KIAA0825: variants seen among roughly 807,000 people sequenced by gnomAD.
KIAA0825 encodes the protein uncharacterized protein KIAA0825.
A neutral mutation model predicts 147.6 loss-of-function variants in KIAA0825; 119 were observed. That is an observed-to-expected ratio of 0.81 (90% CI 0.69 to 0.94). KIAA0825 has a LOEUF of 0.94. Among genes scored for constraint, KIAA0825 ranks in the 40% least tolerant of loss-of-function variants. The probability of loss-of-function intolerance (pLI) is 0.00; values close to 1 mark genes in which losing one functional copy is unlikely to be tolerated. For missense variants in KIAA0825, 1,381 were observed against 1,472.7 expected, an observed-to-expected ratio of 0.94 and a Z score of 1.02; for synonymous variants, 470 against 518.1, an observed-to-expected ratio of 0.91 and a Z score of 1.26.
chr5:94,318,677 G>C (rs893273430), intron 20 of KIAA0825, among the ~76,000 whole-genome samples: 11 of 151,880 alleles, frequency 7.2e-5, no homozygotes, highest in African/African-American at 2.7e-4. Flanking sequence ...AGACTCAACA[G>C]ATCAGGAAGA....
intron 20 of KIAA0825, among the ~76,000 whole-genome samples, chr5:94,240,569 CT>C (rs1158563276): frequency 6.6e-6 from 1 of 152,192 alleles, no homozygotes. Flanking sequence ...GCATCCAACT[CT>C]TCTGTTTGTG....
intron 20 of KIAA0825, among the ~76,000 whole-genome samples, chr5:94,349,704 AAG>A (rs1230456663): frequency 6.6e-6 from 1 of 152,212 alleles, no homozygotes; most frequent in Non-Finnish European, 1.5e-5. Context: ...AAACAAAATC[AAG>A]ATGGAAATTT....
At chr5:94,343,582 G>A (rs1396499317) in intron 20 of KIAA0825, among the ~76,000 whole-genome samples, 2 of 152,078 alleles carry the variant, frequency 1.3e-5, no homozygotes, top group Non-Finnish European at 2.9e-5. Context: ...CCAGCTACTG[G>A]GGAGGCTGAG....
intron 20 of KIAA0825, among the ~76,000 whole-genome samples, chr5:94,160,721 A>G (rs914945004): frequency 6.6e-6 from 1 of 150,950 alleles, no homozygotes; most frequent in Non-Finnish European, 1.5e-5. Context: ...ATGTCTGTAT[A>G]TTTAAATTAT....
rs542870102 is a variant in KIAA0825, at chr5:94,269,865, C to G, written c.3710+114503G>C. On this transcript the variant is annotated intron_variant, in intron 20 of 20. Coordinates refer to ENST00000682413, the MANE Select transcript of KIAA0825 (RefSeq NM_001145678.3). The stretch of plus-strand genomic sequence containing the variant: ...AATACAAAAGATCAACAAAAACTTG[C>G]TTTTTAAAAAAGTTAAACAAAATAC... 1.5e-4 allele frequency among the ~76,000 whole-genome samples: 23 copies of G among 151,926 alleles called. No individual in the cohort carries two copies. The East Asian group carries it at 4.3e-3, about 28-fold the overall frequency.
At chr5:94,165,331 G>C (rs1045712807) in intron 20 of KIAA0825, among the ~76,000 whole-genome samples, 1 of 152,140 alleles carries the variant, frequency 6.6e-6, no homozygotes, top group African/African-American at 2.4e-5. Context: ...CAGTTAAAAT[G>C]GCTTATATCC....
chr5:94,615,263 G>A (rs1478853671), intron 1 of KIAA0825, among the ~76,000 whole-genome samples: 1 of 152,136 alleles, frequency 6.6e-6, no homozygotes, highest in Non-Finnish European at 1.5e-5. Context: ...TAAAGTCAGA[G>A]GATTTTTGAG....
At chr5:94,477,298 G>A (rs1356842412) in intron 6 of KIAA0825, 93 bp from the exon 7 acceptor site, 42 of 811,344 alleles carry the variant, frequency 5.2e-5, no homozygotes, top group South Asian at 2.2e-4. Flanking sequence ...TATTAACTAC[G>A]TAGAAAAGTT....
At chr5:94,588,370 G>C (rs972067591) in intron 1 of KIAA0825, among the ~76,000 whole-genome samples, 1 of 152,112 alleles carries the variant, frequency 6.6e-6, no homozygotes, top group Non-Finnish European at 1.5e-5. Flanking sequence ...ATCAAAAAGT[G>C]GGCAAAGGAT....
intron 20 of KIAA0825, among the ~76,000 whole-genome samples, chr5:94,296,500 A>G (rs1778144769): frequency 6.6e-6 from 1 of 152,108 alleles, no homozygotes; most frequent in Non-Finnish European, 1.5e-5. Context: ...GTGGCCACTC[A>G]GTTTTGTGCT....
chr5:94,393,351 T>A (rs183925967), intron 17 of KIAA0825, among the ~76,000 whole-genome samples: 92 of 152,342 alleles, frequency 6.0e-4, no homozygotes, highest in African/African-American at 2.1e-3. Context: ...ACTTCTTTAC[T>A]TTTTGGGCTG....
chr5:94,609,431 A>G (rs190190272), intron 1 of KIAA0825, among the ~76,000 whole-genome samples: 151 of 152,266 alleles, frequency 9.9e-4, no homozygotes, highest in Non-Finnish European at 9.8e-4. Context: ...TTTCATTTTA[A>G]TTTATAATAC....
intron 1 of KIAA0825, among the ~76,000 whole-genome samples, chr5:94,606,419 T>C (rs1212885964): frequency 1.3e-5 from 2 of 152,130 alleles, no homozygotes; most frequent in Non-Finnish European, 1.5e-5. Context: ...AAAACTTATA[T>C]GGAACTAAAA....
intron 15 of KIAA0825, among the ~76,000 whole-genome samples, chr5:94,404,347 T>C (rs1235256872): frequency 1.3e-5 from 2 of 152,168 alleles, no homozygotes; most frequent in Non-Finnish European, 2.9e-5. Context: ...AATATGTATC[T>C]CCACACATAT....
intron 5 of KIAA0825, among the ~76,000 whole-genome samples, chr5:94,496,977 T>C (rs919952816): frequency 6.6e-6 from 1 of 152,226 alleles, no homozygotes; most frequent in Non-Finnish European, 1.5e-5. Context: ...TCTGAGTCTC[T>C]TCTTCGGCCT....
chr5:94,490,068 C>A lies in KIAA0825; in HGVS notation c.971-5138G>T, dbSNP rs944023385. 2.6e-5 allele frequency among the ~76,000 whole-genome samples: 4 copies of A among 151,896 alleles called. No individual in the cohort carries two copies. The South Asian group carries it at 8.3e-4, about 32-fold the overall frequency. On this transcript the variant is annotated intron_variant, in intron 5 of 20. Coordinates refer to ENST00000682413, the MANE Select transcript of KIAA0825 (RefSeq NM_001145678.3). ...TCTAAGAATATAGCCTACATATTTGCCCTGGGCAAAAGAGGAACTGCTGTT... is the reference window on the plus strand; with the variant it reads ...TCTAAGAATATAGCCTACATATTTGACCTGGGCAAAAGAGGAACTGCTGTT...
intron 2 of KIAA0825, among the ~76,000 whole-genome samples, chr5:94,566,519 T>C (rs1778744448): frequency 6.6e-6 from 1 of 152,118 alleles, no homozygotes; most frequent in Non-Finnish European, 1.5e-5. Flanking sequence ...AGTAAAAACA[T>C]CTTTATATTG....
At chr5:94,533,080 G>A (rs1172358820) in intron 3 of KIAA0825, among the ~76,000 whole-genome samples, 2 of 150,666 alleles carry the variant, frequency 1.3e-5, no homozygotes, top group African/African-American at 2.4e-5. Flanking sequence ...CCGGGTTCAC[G>A]CCATTCTCCT....
chr5:94,470,987 GA>G, intron 9 of KIAA0825, among the ~76,000 whole-genome samples: 1 of 152,200 alleles, frequency 6.6e-6, no homozygotes, highest in East Asian at 1.9e-4. Context: ...TAGACTGCCA[GA>G]TGCTTCCTCT....
Sources: gnomAD v4.1 joint callset for allele counts (sites outside exome capture counted in the v4.1 genomes callset) on GRCh38, gnomAD v4.1.1 for gene constraint, MANE v1.5 for transcripts, NCBI Gene and HGNC (gene_info 2026-07-23, HGNC 2026-07-21) for gene names.